ARMH1: variants seen among roughly 807,000 people sequenced by gnomAD.
The protein encoded by ARMH1 is armadillo like helical domain containing 1.
ARMH1 carries 34 observed loss-of-function variants against 50.2 expected under a neutral mutation model. That is an observed-to-expected ratio of 0.68 (90% CI 0.51 to 0.90). The LOEUF (loss-of-function observed/expected upper bound fraction) is 0.90, where lower values mean the gene tolerates loss of function less well. ARMH1 is among the 40% of genes least tolerant of loss of function. The probability of loss-of-function intolerance (pLI) is 0.00; values close to 1 mark genes in which losing one functional copy is unlikely to be tolerated. For missense variants in ARMH1, 538 were observed against 553.9 expected (o/e 0.97, Z 0.29); for synonymous variants, 221 against 224.2 (o/e 0.99, Z 0.13).
intron 6 of ARMH1, among the ~76,000 whole-genome samples, chr1:44,720,095 G>A (rs1298210709): frequency 6.6e-6 from 1 of 151,662 alleles, no homozygotes; most frequent in Admixed American, 6.6e-5. Flanking sequence ...TACTTGGGAG[G>A]CTGAGGCAGG....
At chr1:44,689,183 C>T (rs1645574647) in intron 1 of ARMH1, 1 of 155,876 alleles carries the variant, frequency 6.4e-6, no homozygotes, top group South Asian at 1.9e-4. Flanking sequence ...CTGCCTCAGC[C>T]TCCCAAGAGC....
chr1:44,709,446 G>A (rs945096603), intron 6 of ARMH1, among the ~76,000 whole-genome samples: 52 of 152,286 alleles, frequency 3.4e-4, no homozygotes, highest in Middle Eastern at 6.8e-3. Context: ...GCCAAGGGGG[G>A]CGGATCACGA....
At chr1:44,676,140 G>C (rs1398086859) in intron 1 of ARMH1, among the ~76,000 whole-genome samples, 1 of 152,102 alleles carries the variant, frequency 6.6e-6, no homozygotes, top group African/African-American at 2.4e-5. Context: ...AAATGGACTT[G>C]GTTACTAATT....
At chr1:44,704,206 C>G (rs1276923443) in intron 6 of ARMH1, 33 bp downstream of exon 6, 5 of 1,478,962 alleles carry the variant, frequency 3.4e-6, no homozygotes, top group Non-Finnish European at 4.6e-6. Flanking sequence ...AAGGGGGCAC[C>G]GAGAGCCAGA....
intron 6 of ARMH1, among the ~76,000 whole-genome samples, chr1:44,719,814 G>GT (rs1243035658): frequency 6.6e-6 from 1 of 152,208 alleles, no homozygotes; most frequent in African/African-American, 2.4e-5. Context: ...TGTTGTGCCT[G>GT]GGTTGTATGA....
intron 5 of ARMH1, among the ~76,000 whole-genome samples, chr1:44,703,323 A>C (rs1646178310): frequency 6.6e-6 from 1 of 152,066 alleles, no homozygotes; most frequent in Non-Finnish European, 1.5e-5. Context: ...GCCTCAGCCT[A>C]GGCCCAGTGA....
intron 4 of ARMH1, 140 bp from the exon 5 acceptor site, chr1:44,700,783 A>G: frequency 1.5e-6 from 1 of 649,408 alleles, no homozygotes; most frequent in East Asian, 2.8e-5. Flanking sequence ...GTGATGCAAC[A>G]TGAGAACCAG....
At chr1:44,697,950 TC>T (rs1452235985) in intron 3 of ARMH1, 112 bp from the exon 4 acceptor site, 1 of 742,574 alleles carries the variant, frequency 1.3e-6, no homozygotes, top group Non-Finnish European at 2.1e-6. Flanking sequence ...TATGGACATT[TC>T]CTGGATAGGA....
At chr1:44,723,029 C>T (rs1186760959) in intron 6 of ARMH1, among the ~76,000 whole-genome samples, 3 of 150,648 alleles carry the variant, frequency 2.0e-5, no homozygotes, top group African/African-American at 7.3e-5. Context: ...GAGCCGAGAT[C>T]GCGCCACTGC....
At chr1:44,703,252 T>C (rs1434687237) in intron 5 of ARMH1, among the ~76,000 whole-genome samples, 1 of 152,096 alleles carries the variant, frequency 6.6e-6, no homozygotes, top group African/African-American at 2.4e-5. Context: ...GCCGGCCTTG[T>C]TCCTGCACCT....
At chr1:44,685,312 CT>C (rs749006485) in intron 1 of ARMH1, among the ~76,000 whole-genome samples, 228 of 143,520 alleles carry the variant, frequency 1.6e-3, no homozygotes, top group East Asian at 2.4e-3. Flanking sequence ...CTGAGGGAAG[CT>C]TTTTTTTTTT....
At chr1:44,720,280 A>G (rs1013973170) in intron 6 of ARMH1, among the ~76,000 whole-genome samples, 2 of 151,920 alleles carry the variant, frequency 1.3e-5, no homozygotes, top group Non-Finnish European at 1.5e-5. Flanking sequence ...AGCCTGTCCA[A>G]GATTCAAGCT....
intron 6 of ARMH1, among the ~76,000 whole-genome samples, chr1:44,720,605 G>A (rs1403626975): frequency 1.3e-5 from 2 of 152,140 alleles, no homozygotes; most frequent in Non-Finnish European, 2.9e-5. Context: ...AATTCTATAC[G>A]GTGCTACGGG....
intron 6 of ARMH1, among the ~76,000 whole-genome samples, chr1:44,715,348 C>T (rs1474904535): frequency 2.6e-5 from 4 of 152,190 alleles, no homozygotes; most frequent in Non-Finnish European, 5.9e-5. Context: ...GCTGCTACAG[C>T]CCTGTCTCTT....
chr1:44,702,703 T>A, intron 5 of ARMH1, among the ~76,000 whole-genome samples: 1 of 92,312 alleles, frequency 1.1e-5, no homozygotes, highest in Non-Finnish European at 1.9e-5. Flanking sequence ...ACAGCGAGAC[T>A]CCATCTCAAA....
intron 2 of ARMH1, among the ~76,000 whole-genome samples, chr1:44,690,167 G>A (rs1033148420): frequency 2.6e-5 from 4 of 151,986 alleles, no homozygotes; most frequent in African/African-American, 9.7e-5. Flanking sequence ...GCAGTGAGCC[G>A]AGATCATGCC....
intron 1 of ARMH1, among the ~76,000 whole-genome samples, chr1:44,677,738 G>A (rs568058724): frequency 6.6e-6 from 1 of 152,178 alleles, no homozygotes; most frequent in Admixed American, 6.5e-5. Context: ...GAGGATGCCC[G>A]TGAGCTAGGT....
At chr1:44,677,425 A>G (rs558923165) in intron 1 of ARMH1, among the ~76,000 whole-genome samples, 1 of 152,340 alleles carries the variant, frequency 6.6e-6, no homozygotes, top group South Asian at 2.1e-4. Context: ...GAAGTTGAAG[A>G]TTGTGGCAAA....
At chr1:44,709,565 G>A (rs1021217812) in intron 6 of ARMH1, among the ~76,000 whole-genome samples, 5 of 151,836 alleles carry the variant, frequency 3.3e-5, no homozygotes, top group South Asian at 2.1e-4. Context: ...CCACCTACAC[G>A]GGAGGCTGAG....
Sources: allele counts gnomAD v4.1 joint callset (sites outside exome capture counted in the v4.1 genomes callset), GRCh38; gene constraint gnomAD v4.1.1; transcripts MANE v1.5; gene names NCBI Gene and HGNC (gene_info 2026-07-23, HGNC 2026-07-21).